The following TSHZ2 variants were observed in gnomAD, a reference collection of about 807,000 sequenced individuals.
TSHZ2 encodes the protein teashirt zinc finger homeobox 2, also known as teashirt homolog 2.
Under a neutral mutation model 74.4 loss-of-function variants are expected in TSHZ2, and 21 were observed. That is an observed-to-expected ratio of 0.28 (90% CI 0.20 to 0.41). The LOEUF is 0.41. Among genes scored for constraint, TSHZ2 ranks in the 10% least tolerant of loss-of-function variants. The pLI is 1.00. For synonymous variants in TSHZ2, 540 were observed against 515.3 expected, an observed-to-expected ratio of 1.05 and a Z score of -0.65; for missense variants, 1,244 against 1,293.5, an observed-to-expected ratio of 0.96 and a Z score of 0.59.
At chr20:53,111,874 G>A (rs1417338303) in intron 1 of TSHZ2, among the ~76,000 whole-genome samples, 7 of 150,772 alleles carry the variant, frequency 4.6e-5, no homozygotes, top group Non-Finnish European at 1.0e-4. Flanking sequence ...CTGATGCAGA[G>A]CTTACAATCC....
chr20:53,120,305 C>A (rs913806984), intron 1 of TSHZ2, among the ~76,000 whole-genome samples: 48 of 152,264 alleles, frequency 3.2e-4, no homozygotes, highest in Middle Eastern at 3.4e-3. Context: ...TCTCACAGCA[C>A]AGCCACACTA....
chr20:53,014,116 T>C (rs2256163), intron 1 of TSHZ2, among the ~76,000 whole-genome samples: 44,025 of 152,034 alleles, frequency 0.29, 7,746 homozygotes, highest in Non-Finnish European at 0.41. Context: ...AGAAAGTTCA[T>C]GATCAAGGTG....
At chr20:53,309,935 T>C (rs1479764589) in intron 2 of TSHZ2, among the ~76,000 whole-genome samples, 1 of 152,202 alleles carries the variant, frequency 6.6e-6, no homozygotes, top group Admixed American at 6.5e-5. Context: ...TCCATCTCGT[T>C]ATTGGACATT....
chr20:53,126,062 A>G (rs141541634), intron 1 of TSHZ2, among the ~76,000 whole-genome samples: 6 of 152,368 alleles, frequency 3.9e-5, no homozygotes, highest in African/African-American at 1.4e-4. Context: ...TCCCAGATTC[A>G]TGGGACTCTT....
intron 2 of TSHZ2, among the ~76,000 whole-genome samples, chr20:53,443,015 A>T (rs992388428): frequency 2.0e-5 from 3 of 152,214 alleles, no homozygotes; most frequent in Admixed American, 6.5e-5. Context: ...TTCTATAGAG[A>T]ACACTGAGTA....
At chr20:53,447,119 C>A (rs546425087) in intron 2 of TSHZ2, among the ~76,000 whole-genome samples, 1 of 152,348 alleles carries the variant, frequency 6.6e-6, no homozygotes, top group East Asian at 1.9e-4. Flanking sequence ...AGATCAGAGA[C>A]TGCTGCATAA....
chr20:53,304,146 G>A (rs528798960), intron 2 of TSHZ2, among the ~76,000 whole-genome samples: 4 of 149,838 alleles, frequency 2.7e-5, no homozygotes, highest in South Asian at 2.1e-4. Flanking sequence ...CCATTAACTC[G>A]TCACTTAGCA....
At chr20:53,174,852 G>A (rs1271082097) in intron 1 of TSHZ2, among the ~76,000 whole-genome samples, 2 of 152,176 alleles carry the variant, frequency 1.3e-5, no homozygotes, top group Non-Finnish European at 2.9e-5. Context: ...TGGCATAGTG[G>A]TAGGAAGGAG....
At chr20:53,048,594 G>A (rs982450897) in intron 1 of TSHZ2, among the ~76,000 whole-genome samples, 8 of 152,180 alleles carry the variant, frequency 5.3e-5, no homozygotes, top group Non-Finnish European at 8.8e-5. Context: ...TTTGCCGGGC[G>A]TGGGCAGCAG....
chr20:53,161,521 G>C (rs1197769287), intron 1 of TSHZ2, among the ~76,000 whole-genome samples: 2 of 152,194 alleles, frequency 1.3e-5, no homozygotes, highest in Non-Finnish European at 2.9e-5. Flanking sequence ...TCACAGTTCT[G>C]CATGGCTGGG....
chr20:53,005,412 C>T lies in TSHZ2; in HGVS notation c.40+32079C>T, dbSNP rs1349240341. 4.2e-4 allele frequency among the ~76,000 whole-genome samples: 64 copies of T among 150,656 alleles called. 2 individuals are homozygous for T. Among genetic ancestry groups the T allele is most frequent in the Admixed American group, 4.2e-3 (64 of 15,138 alleles). On this transcript the variant is annotated intron_variant, in intron 1 of 2. Coordinates refer to ENST00000371497, the MANE Select transcript of TSHZ2 (RefSeq NM_173485.6). ...CTGGAGAAAACGTGTAGATGTCCTGCCATCTGAACTCTTCCTGTTCCAGAG... is the reference window on the plus strand; with the variant it reads ...CTGGAGAAAACGTGTAGATGTCCTGTCATCTGAACTCTTCCTGTTCCAGAG...
chr20:53,323,288 C>T (rs918534291), intron 2 of TSHZ2, among the ~76,000 whole-genome samples: 12 of 152,136 alleles, frequency 7.9e-5, no homozygotes, highest in Non-Finnish European at 1.5e-4. Flanking sequence ...GACAGTACTC[C>T]GGGTGACTCT....
intron 1 of TSHZ2, among the ~76,000 whole-genome samples, chr20:53,111,013 T>C (rs187704709): frequency 6.6e-6 from 1 of 152,264 alleles, no homozygotes; most frequent in Admixed American, 6.5e-5. Context: ...TATCTATCTG[T>C]GGTTTTCAAA....
intron 1 of TSHZ2, among the ~76,000 whole-genome samples, chr20:53,008,905 G>A (rs1982741919): frequency 6.6e-6 from 1 of 151,898 alleles, no homozygotes; most frequent in African/African-American, 2.4e-5. Context: ...AGCACAGTAA[G>A]AGATTAACAA....
intron 1 of TSHZ2, among the ~76,000 whole-genome samples, chr20:53,137,456 G>T (rs748098157): frequency 1.5e-4 from 23 of 151,998 alleles, no homozygotes; most frequent in African/African-American, 5.3e-4. Context: ...GTGAATAACT[G>T]ATATAAATGG....
chr20:53,455,939 T>G (rs973626284), intron 2 of TSHZ2, among the ~76,000 whole-genome samples: 1 of 151,636 alleles, frequency 6.6e-6, no homozygotes, highest in African/African-American at 2.4e-5. Context: ...ATGTGCCACA[T>G]TTTCTTAATC....
At chr20:53,125,712 T>A (rs1278514716) in intron 1 of TSHZ2, among the ~76,000 whole-genome samples, 2 of 152,208 alleles carry the variant, frequency 1.3e-5, no homozygotes, top group East Asian at 3.9e-4. Context: ...AACACCTAAT[T>A]ATACAGGAAT....
intron 1 of TSHZ2, among the ~76,000 whole-genome samples, chr20:52,987,689 G>A (rs1187546737): frequency 1.3e-5 from 2 of 152,152 alleles, no homozygotes; most frequent in South Asian, 2.1e-4. Context: ...GGAAATGCAT[G>A]CATTTACACA....
chr20:53,307,409 A>C (rs1233545314), intron 2 of TSHZ2, among the ~76,000 whole-genome samples: 1 of 152,176 alleles, frequency 6.6e-6, no homozygotes, highest in African/African-American at 2.4e-5. Flanking sequence ...CAGGGGCAAC[A>C]GCACTGCATC....
Sources: gnomAD v4.1 joint callset for allele counts (sites outside exome capture counted in the v4.1 genomes callset) on GRCh38, gnomAD v4.1.1 for gene constraint, MANE v1.5 for transcripts, NCBI Gene and HGNC (gene_info 2026-07-23, HGNC 2026-07-21) for gene names.